Variants in CHRM3 observed in about 807,000 individuals in gnomAD.
The protein encoded by CHRM3 is muscarinic acetylcholine receptor M3.
A neutral mutation model predicts 41.8 loss-of-function variants in CHRM3; 11 were observed. The observed-to-expected ratio is 0.26, with a 90% CI of 0.17 to 0.44. The LOEUF (loss-of-function observed/expected upper bound fraction) is 0.44. Ranked by LOEUF, CHRM3 falls within the 20% of genes least tolerant of loss-of-function variation. The probability of loss-of-function intolerance (pLI) is 1.00; values close to 1 mark genes in which losing one functional copy is unlikely to be tolerated. For missense variants in CHRM3, 571 were observed against 745.4 expected (o/e 0.77, Z 2.72); for synonymous variants, 297 against 301.4 (o/e 0.99, Z 0.15).
Position 239,788,490 on chromosome 1 carries a change from G to A in CHRM3, c.-146-38762G>A, listed in dbSNP as rs556444860. 8.5e-5 allele frequency among the ~76,000 whole-genome samples: 13 copies of A among 152,240 alleles called. No homozygotes were observed. The South Asian group carries it at 1.7e-3, about 19-fold the overall frequency. On this transcript the variant is annotated intron_variant, in intron 5 of 6. Transcript: ENST00000676153. ...TTTCAAATGATAACCCTGAGGCCAGGCACAGTGGCTGACACTTGTAATCCC... is the reference window on the plus strand; with the variant it reads ...TTTCAAATGATAACCCTGAGGCCAGACACAGTGGCTGACACTTGTAATCCC...
chr1:239,537,333 C>G (rs1444153437), intron 2 of CHRM3, among the ~76,000 whole-genome samples: 2 of 152,116 alleles, frequency 1.3e-5, no homozygotes, highest in South Asian at 4.1e-4. Context: ...ATCTGCTTGA[C>G]TTCTGGGGAA....
chr1:239,569,892 T>C (rs1661676682), intron 3 of CHRM3, among the ~76,000 whole-genome samples: 1 of 152,172 alleles, frequency 6.6e-6, no homozygotes, highest in Admixed American at 6.6e-5. Context: ...TGTAGATATA[T>C]ATGATTTATC....
intron 1 of CHRM3, among the ~76,000 whole-genome samples, chr1:239,431,333 T>C (rs901333437): frequency 6.6e-6 from 1 of 152,188 alleles, no homozygotes; most frequent in Non-Finnish European, 1.5e-5. Flanking sequence ...TAATTGTTTT[T>C]CATTTGCAGG....
chr1:239,606,180 A>G (rs781317218), intron 3 of CHRM3: 16 of 152,096 alleles, frequency 1.1e-4, no homozygotes, highest in Non-Finnish European at 2.2e-4. Flanking sequence ...TGTTATTTTC[A>G]TTAAAAGATA....
At chr1:239,471,620 T>A (rs1455726884) in intron 1 of CHRM3, among the ~76,000 whole-genome samples, 1 of 152,074 alleles carries the variant, frequency 6.6e-6, no homozygotes, top group Non-Finnish European at 1.5e-5. Context: ...GGGGAAAGCA[T>A]CTTCAAGATT....
intron 3 of CHRM3, among the ~76,000 whole-genome samples, chr1:239,567,232 G>T (rs1661437375): frequency 6.6e-6 from 1 of 151,570 alleles, no homozygotes; most frequent in African/African-American, 2.4e-5. Context: ...CCCAGCTATG[G>T]AGGCTGAGGT....
chr1:239,838,209 C>A (rs1673488572), intron 6 of CHRM3, among the ~76,000 whole-genome samples: 1 of 152,076 alleles, frequency 6.6e-6, no homozygotes, highest in Admixed American at 6.5e-5. Context: ...AGAAAGGGGT[C>A]TATCAGTGAA....
chr1:239,583,213 G>A (rs1381902419), intron 3 of CHRM3, among the ~76,000 whole-genome samples: 1 of 152,184 alleles, frequency 6.6e-6, no homozygotes, highest in Non-Finnish European at 1.5e-5. Flanking sequence ...CGGGAAGGCA[G>A]TATGTTAATA....
At chr1:239,889,861 A>ACATTT (rs1678399819) in intron 6 of CHRM3, among the ~76,000 whole-genome samples, 1 of 152,236 alleles carries the variant, frequency 6.6e-6, no homozygotes, top group Non-Finnish European at 1.5e-5. Flanking sequence ...AGTATAGTGT[A>ACATTT]CATTTCAAAA....
At chr1:239,890,545 C>A (rs1258817184) in intron 6 of CHRM3, among the ~76,000 whole-genome samples, 1 of 152,024 alleles carries the variant, frequency 6.6e-6, no homozygotes, top group African/African-American at 2.4e-5. Flanking sequence ...AGGATTTAAT[C>A]TAATGAATAT....
intron 3 of CHRM3, among the ~76,000 whole-genome samples, chr1:239,600,019 C>A (rs183076223): frequency 3.4e-4 from 52 of 152,284 alleles, no homozygotes; most frequent in African/African-American, 1.2e-3. Flanking sequence ...CCTCAACCTG[C>A]ATTTTGCTGT....
intron 5 of CHRM3, among the ~76,000 whole-genome samples, chr1:239,823,171 A>G (rs1672189189): frequency 6.6e-6 from 1 of 152,312 alleles, no homozygotes; most frequent in South Asian, 2.1e-4. Context: ...TTAAATTACT[A>G]TTTCCTACAC....
intron 4 of CHRM3, among the ~76,000 whole-genome samples, chr1:239,662,311 T>C (rs895437531): frequency 4.6e-5 from 7 of 152,098 alleles, no homozygotes; most frequent in African/African-American, 1.4e-4. Flanking sequence ...AGGTATGAAG[T>C]GTGATTGACA....
chr1:239,411,612 C>CTACTCAG (rs1661069427), intron 1 of CHRM3, among the ~76,000 whole-genome samples: 1 of 150,330 alleles, frequency 6.7e-6, no homozygotes, highest in East Asian at 2.0e-4. Context: ...ACAATCCCAG[C>CTACTCAG]TACTCAGGAG....
In CHRM3 at chr1:239,520,019, A is replaced by G. The variant is rs9428839; in HGVS notation, c.-421-25622A>G. ...GCCTCGGCCTCCCAAAGCGTAAACA[A>G]CTAGTTCTTACTCTTTCACTTTTCT... On this transcript the variant is annotated intron_variant, in intron 2 of 6. Transcript: ENST00000676153. Among the ~76,000 whole-genome samples the G allele has an allele frequency of 4.2e-3, 645 of 152,154 alleles. 5 individuals are homozygous for G. Among genetic ancestry groups the G allele is most frequent in the Middle Eastern group, 0.014 (4 of 294 alleles).
intron 2 of CHRM3, among the ~76,000 whole-genome samples, chr1:239,495,866 CTT>C (rs1667844296): frequency 6.6e-6 from 1 of 152,020 alleles, no homozygotes; most frequent in Non-Finnish European, 1.5e-5. Flanking sequence ...CAAGCGTACT[CTT>C]TTCTAGAATT....
intron 6 of CHRM3, among the ~76,000 whole-genome samples, chr1:239,878,742 G>T (rs1677335065): frequency 6.6e-6 from 1 of 152,042 alleles, no homozygotes; most frequent in Non-Finnish European, 1.5e-5. Context: ...CCAGGCTTCT[G>T]CCCTCAGATG....
At chr1:239,796,119 C>A (rs538030109) in intron 5 of CHRM3, among the ~76,000 whole-genome samples, 50 of 152,202 alleles carry the variant, frequency 3.3e-4, no homozygotes, top group East Asian at 5.8e-4. Context: ...CTTCTGTGAA[C>A]AAATATATAT....
chr1:239,515,074 T>C (rs970051069), intron 2 of CHRM3, among the ~76,000 whole-genome samples: 10 of 152,164 alleles, frequency 6.6e-5, no homozygotes, highest in Non-Finnish European at 1.3e-4. Context: ...AGTAGAGTGC[T>C]AAATTGTACA....
Sources: allele counts gnomAD v4.1 joint callset (sites outside exome capture counted in the v4.1 genomes callset), GRCh38; gene constraint gnomAD v4.1.1; transcripts MANE v1.5; gene names NCBI Gene and HGNC (gene_info 2026-07-23, HGNC 2026-07-21).